TAFA1: variants seen among roughly 807,000 people sequenced by gnomAD.
TAFA1 encodes chemokine-like protein TAFA-1.
Under a neutral mutation model 18.5 loss-of-function variants are expected in TAFA1, and 4 were observed. The observed-to-expected ratio is 0.22, with a 90% confidence interval of 0.11 to 0.49. The LOEUF is 0.49. TAFA1 is among the 20% of genes least tolerant of loss of function. TAFA1 has a pLI of 0.98. For synonymous variants in TAFA1, 56 were observed against 55.2 expected, an observed-to-expected ratio of 1.01 and a Z score of -0.06; for missense variants, 147 against 169.0, an observed-to-expected ratio of 0.87 and a Z score of 0.72.
At position 68,259,998 on chromosome 3, in the gene TAFA1, G is replaced by T. The variant is rs934042771; in HGVS notation, c.119-157282G>T. On this transcript the variant is annotated intron_variant, in intron 2 of 4. Coordinates refer to ENST00000478136, the MANE Select transcript of TAFA1 (RefSeq NM_213609.4). Reference sequence around the variant, plus strand: ...TGTTGAATAGGAGTGGTGAGAGAGGGCATCCCTGTCTTGTGCCAGTTTCCA... The same window carrying T: ...TGTTGAATAGGAGTGGTGAGAGAGGTCATCCCTGTCTTGTGCCAGTTTCCA... Among the ~76,000 whole-genome samples, 423 of 152,138 alleles carry T rather than the reference G, an allele frequency of 2.8e-3. 4 individuals are homozygous for T. The highest frequency in any genetic ancestry group is 9.8e-3 in the African/African-American group (405 of 41,516).
At chr3:68,269,539 G>A (rs1194262720) in intron 2 of TAFA1, among the ~76,000 whole-genome samples, 2 of 152,196 alleles carry the variant, frequency 1.3e-5, no homozygotes, top group African/African-American at 2.4e-5. Context: ...TTCTATGAGT[G>A]TTCCAGGTAA....
chr3:68,262,326 TA>T (rs2067446152), intron 2 of TAFA1, among the ~76,000 whole-genome samples: 4 of 70,676 alleles, frequency 5.7e-5, no homozygotes, highest in Admixed American at 2.3e-4. Flanking sequence ...TATATATATA[TA>T]TATATATATA....
At chr3:68,355,419 T>G (rs1245156422) in intron 2 of TAFA1, among the ~76,000 whole-genome samples, 1 of 151,902 alleles carries the variant, frequency 6.6e-6, no homozygotes, top group Non-Finnish European at 1.5e-5. Context: ...TCCCTTTTCA[T>G]AAAATTGGGC....
rs572671010 is a variant in TAFA1 at position 68,416,424 on chromosome 3, G to T, written c.119-856G>T. Among the ~76,000 whole-genome samples, 11 of 152,164 alleles carry T rather than the reference G, an allele frequency of 7.2e-5. No individual in the cohort carries two copies. In the East Asian group the frequency reaches 1.7e-3, roughly 24 times the overall value. On this transcript the variant is annotated intron_variant, in intron 2 of 4. Coordinates refer to ENST00000478136, the MANE Select transcript of TAFA1 (RefSeq NM_213609.4). ...AATGCCAAGAATCCTAAATGGTCTG[G>T]GTCTATTCTGAACTCCAAATTTGAT...
chr3:68,191,378 C>T (rs866992043), intron 2 of TAFA1, among the ~76,000 whole-genome samples: 27 of 151,792 alleles, frequency 1.8e-4, no homozygotes, highest in South Asian at 6.2e-4. Context: ...TTTATTAAGC[C>T]GGTTCAAGCA....
At chr3:68,457,201 G>A (rs2071682095) in intron 3 of TAFA1, among the ~76,000 whole-genome samples, 1 of 152,196 alleles carries the variant, frequency 6.6e-6, no homozygotes, top group Non-Finnish European at 1.5e-5. Flanking sequence ...ATTTTATGCA[G>A]TTAGGATTAA....
intron 2 of TAFA1, among the ~76,000 whole-genome samples, chr3:68,287,224 G>A (rs190582826): frequency 2.0e-5 from 3 of 152,130 alleles, no homozygotes; most frequent in Admixed American, 6.5e-5. Flanking sequence ...ATGGAAAAGC[G>A]GACACAAGCC....
At chr3:68,025,720 C>T (rs1185944044) in intron 2 of TAFA1, among the ~76,000 whole-genome samples, 6 of 151,338 alleles carry the variant, frequency 4.0e-5, no homozygotes, top group Non-Finnish European at 8.8e-5. Flanking sequence ...AATGCTCTTC[C>T]CCAGATGTCT....
intron 2 of TAFA1, among the ~76,000 whole-genome samples, chr3:68,041,339 C>G (rs1199279225): frequency 1.3e-5 from 2 of 152,142 alleles, no homozygotes; most frequent in Non-Finnish European, 2.9e-5. Flanking sequence ...TTGTACTCTC[C>G]AAGAGTTTAT....
intron 2 of TAFA1, among the ~76,000 whole-genome samples, chr3:68,322,603 G>A (rs1215988723): frequency 6.6e-6 from 1 of 152,136 alleles, no homozygotes; most frequent in Non-Finnish European, 1.5e-5. Context: ...AGGCCAAGGA[G>A]GGAGAATTGC....
intron 2 of TAFA1, among the ~76,000 whole-genome samples, chr3:68,036,668 A>T (rs1416554330): frequency 6.6e-6 from 1 of 152,040 alleles, no homozygotes; most frequent in Non-Finnish European, 1.5e-5. Flanking sequence ...TGGTAAATCC[A>T]TGTGAGGTTA....
At chr3:68,393,038 A>T (rs2070295407) in intron 2 of TAFA1, among the ~76,000 whole-genome samples, 1 of 152,152 alleles carries the variant, frequency 6.6e-6, no homozygotes, top group Non-Finnish European at 1.5e-5. Flanking sequence ...GAGAGATGAA[A>T]AATCCTCCAA....
chr3:68,145,349 C>T lies in TAFA1; in HGVS notation c.118+138605C>T, dbSNP rs536843676. The T allele has an allele frequency of 2.8e-4, 225 of 803,514 alleles. 1 individual carries two copies. The highest frequency in any genetic ancestry group is 3.2e-4 in the Non-Finnish European group (139 of 439,990). 49.8% of individuals were successfully genotyped at this position (803,514 alleles called of 1,614,324 possible). The stretch of plus-strand genomic sequence containing the variant: ...AGCACTTAGAGATGCAACAAGGAGA[C>T]GCACCTTTGCCCTGGTCTCTCAAGC... On this transcript the variant is annotated intron_variant, in intron 2 of 4. Coordinates refer to ENST00000478136, the MANE Select transcript of TAFA1 (RefSeq NM_213609.4).
At chr3:68,094,765 T>C (rs2065068090) in intron 2 of TAFA1, among the ~76,000 whole-genome samples, 1 of 152,162 alleles carries the variant, frequency 6.6e-6, no homozygotes, top group Admixed American at 6.5e-5. Context: ...GTTGTACTTA[T>C]ATCACAAGTA....
Position 68,479,229 on chromosome 3 carries a change from C to CA in TAFA1, c.260-59514dup, listed in dbSNP as rs764971674. 7.5e-3 allele frequency among the ~76,000 whole-genome samples: 727 copies of CA among 97,506 alleles called. 14 individuals carry two copies. The highest frequency in any genetic ancestry group is 0.031 in the African/African-American group (611 of 19,670). 64.0% of individuals were successfully genotyped at this position (97,506 alleles called of 152,430 possible). A position where few individuals can be genotyped will look rare whatever the true frequency, so the allele number is the denominator to read the frequency against. ...CTGGTGACAAAGTGAGACTCCATCT[C>CA]AAAAAAAAAAAAATATATATATATA... On this transcript the variant is annotated intron_variant, in intron 3 of 4. Coordinates refer to ENST00000478136, the MANE Select transcript of TAFA1 (RefSeq NM_213609.4).
chr3:68,216,538 G>A (rs1016965790), intron 2 of TAFA1, among the ~76,000 whole-genome samples: 1 of 152,066 alleles, frequency 6.6e-6, no homozygotes, highest in African/African-American at 2.4e-5. Context: ...AAAAGCATGG[G>A]TTAAATGTGT....
chr3:68,142,479 G>A (rs910025374), intron 2 of TAFA1, among the ~76,000 whole-genome samples: 1 of 152,214 alleles, frequency 6.6e-6, no homozygotes, highest in Non-Finnish European at 1.5e-5. Flanking sequence ...ATGGTGCACT[G>A]TGCATGTGCA....
chr3:68,238,101 C>G (rs1009193315), intron 2 of TAFA1, among the ~76,000 whole-genome samples: 1 of 152,104 alleles, frequency 6.6e-6, no homozygotes, highest in Admixed American at 6.5e-5. Flanking sequence ...CATTCATAGG[C>G]CACCATGGTA....
chr3:68,381,417 C>G (rs974311633), intron 2 of TAFA1, among the ~76,000 whole-genome samples: 1 of 151,950 alleles, frequency 6.6e-6, no homozygotes, highest in Non-Finnish European at 1.5e-5. Flanking sequence ...GAATGTTCTT[C>G]CATTTCTTTG....
Sources: gnomAD v4.1 joint callset for allele counts (sites outside exome capture counted in the v4.1 genomes callset) on GRCh38, gnomAD v4.1.1 for gene constraint, MANE v1.5 for transcripts, NCBI Gene and HGNC (gene_info 2026-07-23, HGNC 2026-07-21) for gene names.